SUGCT: variants seen among roughly 807,000 people sequenced by gnomAD.
The protein encoded by SUGCT is succinyl-CoA:glutarate-CoA transferase, also known as succinyl-CoA:glutarate CoA-transferase.
In SUGCT, 41 loss-of-function variants were observed where a neutral mutation model predicts 55.0. The ratio of observed to expected loss-of-function variants is 0.74; its 90% CI spans 0.58 to 0.97. SUGCT has a LOEUF of 0.97. Among genes scored for constraint, SUGCT ranks in the 50% least tolerant of loss-of-function variants. The pLI is 0.00. For synonymous variants in SUGCT, 187 were observed against 200.4 expected, an observed-to-expected ratio of 0.93 and a Z score of 0.56; for missense variants, 568 against 547.8, an observed-to-expected ratio of 1.04 and a Z score of -0.37.
chr7:40,280,787 A>C (rs1792900133), intron 8 of SUGCT, among the ~76,000 whole-genome samples: 1 of 152,188 alleles, frequency 6.6e-6, no homozygotes, highest in East Asian at 1.9e-4. Context: ...TACATATCAT[A>C]AAAATGACAA....
Position 40,135,069 on chromosome 7 carries a change from T to C in SUGCT, c.49T>C (p.Phe17Leu). 6.4e-7 allele frequency: 1 copy of C among 1,560,486 alleles called. No individual in the cohort carries two copies. Among genetic ancestry groups the C allele is most frequent in the Non-Finnish European group, 8.7e-7 (1 of 1,153,602 alleles). Residue 17 changes from phenylalanine (F) to leucine (L), a missense_variant, in exon 1 of 14, where the codon TTC (phenylalanine) becomes CTC (leucine). Physicochemically the swap from Phe to Leu is conservative, Grantham distance 22. Coordinates refer to ENST00000335693, the MANE Select transcript of SUGCT (RefSeq NM_001193313.2). ...GGCAGCTCTGCGCAGAACCTGCCTC[T>C]TCTCCGGCCGGGGCGGCGGGAGGGG... Reference protein sequence around the residue: ...RVAALRRTCLFSGRGGGRGLW... With the variant: ...RVAALRRTCLLSGRGGGRGLW...
intron 12 of SUGCT, among the ~76,000 whole-genome samples, chr7:40,746,820 AG>A (rs2128709437): frequency 6.6e-6 from 1 of 152,342 alleles, no homozygotes; most frequent in South Asian, 2.1e-4. Context: ...CAACACTATC[AG>A]TTAAGTTATA....
At chr7:40,986,091 C>T in the SUGCT span, among the ~76,000 whole-genome samples, 1 of 152,290 alleles carries the variant, frequency 6.6e-6, no homozygotes, top group Non-Finnish European at 1.5e-5. Context: ...CGAATTTTGT[C>T]CTCTAGCCCA....
intron 13 of SUGCT, among the ~76,000 whole-genome samples, chr7:40,812,907 T>C (rs949915776): frequency 2.1e-4 from 32 of 152,152 alleles, no homozygotes; most frequent in African/African-American, 7.0e-4. Flanking sequence ...GAGATTTTGG[T>C]AGGTTGTGAC....
intron 3 of SUGCT, among the ~76,000 whole-genome samples, chr7:40,185,128 A>G (rs113124087): frequency 6.6e-6 from 1 of 152,204 alleles, no homozygotes; most frequent in Admixed American, 6.5e-5. Context: ...AATGATGTTC[A>G]TCGCTTTTAG....
chr7:40,238,492 T>C (rs1390573998), intron 7 of SUGCT, among the ~76,000 whole-genome samples: 1 of 152,108 alleles, frequency 6.6e-6, no homozygotes, highest in Non-Finnish European at 1.5e-5. Flanking sequence ...CAAAACAAAC[T>C]AGATTGATGG....
intron 9 of SUGCT, among the ~76,000 whole-genome samples, chr7:40,414,654 C>T (rs1327793379): frequency 6.6e-6 from 1 of 151,802 alleles, no homozygotes; most frequent in African/African-American, 2.4e-5. Flanking sequence ...TGCCTGTAAT[C>T]CCAGCACTTT....
At chr7:40,660,001 T>A (rs887822413) in intron 12 of SUGCT, among the ~76,000 whole-genome samples, 1 of 152,160 alleles carries the variant, frequency 6.6e-6, no homozygotes, top group African/African-American at 2.4e-5. Flanking sequence ...TGAAGACGTC[T>A]CCAACTTCCA....
intron 12 of SUGCT, among the ~76,000 whole-genome samples, chr7:40,643,835 G>A (rs1417056273): frequency 6.6e-6 from 1 of 152,180 alleles, no homozygotes; most frequent in African/African-American, 2.4e-5. Flanking sequence ...AAAGGAAAGG[G>A]GGGACTTATC....
intron 13 of SUGCT, among the ~76,000 whole-genome samples, chr7:40,752,405 A>G (rs10265533): frequency 0.55 from 84,185 of 152,056 alleles, 25,149 homozygotes; most frequent in Admixed American, 0.71. Context: ...GCCCAGGCTG[A>G]AGTGCAGTGA....
chr7:40,613,642 G>C lies in SUGCT; in HGVS notation c.1089+117256G>C, dbSNP rs1039603897. ...TTTTTTTTTTTTGAGATGGAGTCTC[G>C]TTCTGTCACCCAGGCTAGAGTGCAA... is the stretch of plus-strand genomic sequence containing the variant. On this transcript the variant is annotated intron_variant, in intron 12 of 13. Coordinates refer to ENST00000335693, the MANE Select transcript of SUGCT (RefSeq NM_001193313.2). Among the ~76,000 whole-genome samples, 4 of 148,812 alleles carry C rather than the reference G, an allele frequency of 2.7e-5. No individual in the cohort carries two copies. The South Asian group carries it at 6.3e-4, about 24-fold the overall frequency.
intron 6 of SUGCT, among the ~76,000 whole-genome samples, chr7:40,214,075 T>A (rs1473327051): frequency 6.6e-6 from 1 of 152,214 alleles, no homozygotes; most frequent in Admixed American, 6.5e-5. Flanking sequence ...GACCATGAAC[T>A]CAGCGGTTTG....
chr7:40,700,625 T>C (rs1363745130), intron 12 of SUGCT, among the ~76,000 whole-genome samples: 4 of 152,194 alleles, frequency 2.6e-5, no homozygotes, highest in Admixed American at 2.6e-4. Context: ...TCCTGGAAAA[T>C]GAAGAAACAT....
chr7:41,003,597 GC>G, the SUGCT span, among the ~76,000 whole-genome samples: 3 of 152,092 alleles, frequency 2.0e-5, no homozygotes, highest in African/African-American at 7.2e-5. Flanking sequence ...GGTGGCATGG[GC>G]ATATGTCTCT....
chr7:40,499,060 G>T (rs1017047665), intron 12 of SUGCT: 2 of 456,474 alleles, frequency 4.4e-6, no homozygotes, highest in African/African-American at 4.0e-5. Context: ...GAGTTTCTTG[G>T]CGCTTGGTGC....
chr7:40,358,682 C>G (rs1461132765), intron 9 of SUGCT, among the ~76,000 whole-genome samples: 1 of 151,672 alleles, frequency 6.6e-6, no homozygotes, highest in Admixed American at 6.6e-5. Flanking sequence ...CCACTGCACT[C>G]CAGCCTGGGC....
chr7:40,619,475 A>G (rs1216207073), intron 12 of SUGCT, among the ~76,000 whole-genome samples: 1 of 152,190 alleles, frequency 6.6e-6, no homozygotes, highest in Non-Finnish European at 1.5e-5. Flanking sequence ...CAGTTTTTAT[A>G]TTAAAATCTA....
chr7:40,506,882 G>C (rs555334936), intron 12 of SUGCT, among the ~76,000 whole-genome samples: 1 of 152,018 alleles, frequency 6.6e-6, no homozygotes, highest in African/African-American at 2.4e-5. Flanking sequence ...TATTTGGTTC[G>C]TTTTAATAAC....
chr7:40,445,330 C>T (rs1008664275), intron 9 of SUGCT, among the ~76,000 whole-genome samples: 2 of 152,036 alleles, frequency 1.3e-5, no homozygotes, highest in African/African-American at 4.8e-5. Context: ...CCACTGATCC[C>T]ACAGAAATAC....
Sources: gnomAD v4.1 joint callset for allele counts (sites outside exome capture counted in the v4.1 genomes callset) on GRCh38, gnomAD v4.1.1 for gene constraint, MANE v1.5 for transcripts, NCBI Gene and HGNC (gene_info 2026-07-23, HGNC 2026-07-21) for gene names.